SHANK2: variants seen among roughly 807,000 people sequenced by gnomAD.
The protein encoded by SHANK2 is SH3 and multiple ankyrin repeat domains 2, also known as SH3 and multiple ankyrin repeat domains protein 2.
A neutral mutation model predicts 133.7 loss-of-function variants in SHANK2; 43 were observed. The observed-to-expected ratio is 0.32, with a 90% CI of 0.25 to 0.41. The LOEUF is 0.41. SHANK2 is among the 10% of genes least tolerant of loss of function. The pLI is 1.00. For synonymous variants in SHANK2, 1,017 were observed against 952.8 expected (o/e 1.07, Z -1.24); for missense variants, 1,994 against 2,235.8 (o/e 0.89, Z 2.18).
chr11:70,515,637 GAAAAAAA>G (rs58440823), intron 17 of SHANK2, among the ~76,000 whole-genome samples: 5 of 79,958 alleles, frequency 6.3e-5, no homozygotes, highest in East Asian at 7.7e-4. Context: ...CTCGTTCCTT[GAAAAAAA>G]AAAAAAAAAA....
intron 14 of SHANK2, among the ~76,000 whole-genome samples, chr11:70,701,087 G>A (rs1486094758): frequency 6.6e-6 from 1 of 152,214 alleles, no homozygotes; most frequent in Non-Finnish European, 1.5e-5. Context: ...GCTGATTGGT[G>A]CAGGATCCTG....
At chr11:71,083,188 G>C (rs1951324692) in intron 8 of SHANK2, among the ~76,000 whole-genome samples, 1 of 152,164 alleles carries the variant, frequency 6.6e-6, no homozygotes, top group Non-Finnish European at 1.5e-5. Context: ...TGATCTGCCT[G>C]CCTCAGCCTC....
At chr11:70,819,694 C>T (rs1016098691) in intron 12 of SHANK2, among the ~76,000 whole-genome samples, 5 of 152,214 alleles carry the variant, frequency 3.3e-5, no homozygotes, top group South Asian at 2.1e-4. Context: ...GGAAATGGAA[C>T]GAGGCACAGG....
chr11:71,197,030 C>T (rs115915658), intron 2 of SHANK2, among the ~76,000 whole-genome samples: 4,459 of 150,368 alleles, frequency 0.03, 103 homozygotes, highest in African/African-American at 0.061. Context: ...CCCATCCCTG[C>T]TCTCAGCATT....
chr11:70,817,432 G>C (rs1948422657), intron 12 of SHANK2, among the ~76,000 whole-genome samples: 1 of 152,214 alleles, frequency 6.6e-6, no homozygotes, highest in South Asian at 2.1e-4. Context: ...GACGGGTCAG[G>C]GCCACCAGGT....
At position 70,517,244 on chromosome 11, in the gene SHANK2, C is replaced by T. The variant is rs782818376; in HGVS notation, c.2062-14313G>A. ...AATGCCGGCGAGGATGTGCAGCAAC[C>T]GGAATGCTTATCGTTGCTGGTGGGA... On this transcript the variant is annotated intron_variant, in intron 17 of 25. Transcript: ENST00000601538. Among the ~76,000 whole-genome samples, 9 of 152,166 alleles carry T rather than the reference C, an allele frequency of 5.9e-5. No individual in the cohort carries two copies. In the South Asian group the frequency reaches 6.2e-4, roughly 11 times the overall value.
chr11:70,914,690 A>AATAAAATAAAATAAAATAAG, intron 10 of SHANK2, among the ~76,000 whole-genome samples: 1 of 147,478 alleles, frequency 6.8e-6, no homozygotes, highest in East Asian at 2.0e-4. Context: ...AATAAAATAA[A>AATAAAATAAAATAAAATAAG]ATAAAATAAA....
At chr11:70,538,984 C>T (rs1332145528) in intron 17 of SHANK2, among the ~76,000 whole-genome samples, 2 of 152,258 alleles carry the variant, frequency 1.3e-5, no homozygotes, top group Non-Finnish European at 2.9e-5. Flanking sequence ...CCGCCACAAG[C>T]CTGGCACCCA....
chr11:70,700,424 C>T (rs1260985231), intron 14 of SHANK2, among the ~76,000 whole-genome samples: 1 of 152,220 alleles, frequency 6.6e-6, no homozygotes, highest in Non-Finnish European at 1.5e-5. Context: ...TCCTCAAAGC[C>T]TTGCTCAGGG....
At chr11:70,684,664 AGTGTCAAG>A (rs568236386) in intron 15 of SHANK2, among the ~76,000 whole-genome samples, 1 of 152,102 alleles carries the variant, frequency 6.6e-6, no homozygotes, top group African/African-American at 2.4e-5. Flanking sequence ...CTGTGGAAAG[AGTGTCAAG>A]GTGGGAGCAG....
intron 14 of SHANK2, among the ~76,000 whole-genome samples, chr11:70,766,880 A>G (rs1314186964): frequency 1.3e-5 from 2 of 152,212 alleles, no homozygotes; most frequent in Non-Finnish European, 2.9e-5. Context: ...CAATTTTTAA[A>G]CGGCATAAGA....
chr11:71,241,835 T>C (rs1954896944), intron 1 of SHANK2, among the ~76,000 whole-genome samples: 2 of 152,262 alleles, frequency 1.3e-5, no homozygotes, highest in East Asian at 3.9e-4. Context: ...AGCGAGTGGG[T>C]AAAAGATCTC....
chr11:70,502,756 TA>T, intron 18 of SHANK2, 39 bp downstream of exon 18: 2 of 346,886 alleles, frequency 5.8e-6, no homozygotes, highest in Non-Finnish European at 7.6e-6. Flanking sequence ...CCCCCCCCAG[TA>T]GGGCCCCAGG....
intron 1 of SHANK2, chr11:71,226,730 C>T (rs1954650292): frequency 6.6e-6 from 1 of 151,962 alleles, no homozygotes; most frequent in Non-Finnish European, 1.5e-5. Flanking sequence ...GGAAATTTGC[C>T]ACTGGCAGAC....
At chr11:70,952,877 A>G in intron 10 of SHANK2, 1 of 334,438 alleles carries the variant, frequency 3.0e-6, no homozygotes, top group Non-Finnish European at 6.5e-6. Flanking sequence ...CCTTCCATGC[A>G]GTCCTGTAAG....
chr11:70,556,597 T>TC (rs1271163168), intron 17 of SHANK2, among the ~76,000 whole-genome samples: 1 of 150,792 alleles, frequency 6.6e-6, no homozygotes, highest in Non-Finnish European at 1.5e-5. Context: ...TTTCTTTTTT[T>TC]TTTTTTTTTC....
intron 17 of SHANK2, among the ~76,000 whole-genome samples, chr11:70,639,037 G>A (rs1010104553): frequency 3.3e-5 from 5 of 151,980 alleles, no homozygotes; most frequent in Admixed American, 6.6e-5. Flanking sequence ...AAAAAACATT[G>A]AGAGTCCATG....
At chr11:70,911,427 A>ATTCCATGC (rs1259954788) in intron 10 of SHANK2, among the ~76,000 whole-genome samples, 2 of 152,208 alleles carry the variant, frequency 1.3e-5, no homozygotes, top group African/African-American at 4.8e-5. Flanking sequence ...GGGGGTTAGC[A>ATTCCATGC]TTCCATGCCC....
intron 21 of SHANK2, among the ~76,000 whole-genome samples, chr11:70,495,317 G>A (rs548855063): frequency 2.4e-3 from 368 of 152,330 alleles, no homozygotes; most frequent in Non-Finnish European, 4.7e-3. Flanking sequence ...CTCCTTGGAT[G>A]GCTGGGGTCG....
Sources: allele counts gnomAD v4.1 joint callset (sites outside exome capture counted in the v4.1 genomes callset), GRCh38; gene constraint gnomAD v4.1.1; transcripts MANE v1.5; gene names NCBI Gene and HGNC (gene_info 2026-07-23, HGNC 2026-07-21).